ART1: variants seen among roughly 807,000 people sequenced by gnomAD.
ART1 encodes GPI-linked NAD(P)(+)--arginine ADP-ribosyltransferase 1.
In ART1, 29 loss-of-function variants were observed where a neutral mutation model predicts 27.0. The observed-to-expected ratio is 1.08, with a 90% CI of 0.80 to 1.47. The LOEUF (loss-of-function observed/expected upper bound fraction) is 1.47, where lower values mean the gene tolerates loss of function less well. Ranked by LOEUF, ART1 falls within the 40% of genes most tolerant of loss-of-function variation. ART1 has a pLI of 0.00. For missense variants in ART1, 480 were observed against 423.0 expected, an observed-to-expected ratio of 1.13 and a Z score of -1.18; for synonymous variants, 201 against 172.2, an observed-to-expected ratio of 1.17 and a Z score of -1.31.
chr11:3,663,142 A>ATCTCATC (rs773719879), intron 4 of ART1, among the ~76,000 whole-genome samples: 2 of 140,460 alleles, frequency 1.4e-5, no homozygotes, highest in African/African-American at 5.3e-5. Context: ...ATCTCATCTC[A>ATCTCATC]TCATCATCTC....
chr11:3,651,844 T>A (rs1257745744), intron 1 of ART1, among the ~76,000 whole-genome samples: 2 of 150,904 alleles, frequency 1.3e-5, no homozygotes, highest in Admixed American at 6.6e-5. Context: ...ATGTCTCTGA[T>A]CCACCTGACA....
At chr11:3,651,298 GC>G (rs1342146259) in intron 1 of ART1, among the ~76,000 whole-genome samples, 2 of 150,560 alleles carry the variant, frequency 1.3e-5, no homozygotes, top group Non-Finnish European at 2.9e-5. Flanking sequence ...GGGCTGTACT[GC>G]CGCAAGGCTT....
At position 3,661,534 on chromosome 11, in the gene ART1, G is replaced by A. The variant is rs867481521; in HGVS notation, c.886+121G>A. On this transcript the variant is annotated intron_variant, in intron 4 of 4. Transcript: ENST00000250693. ...TTTGAGACAGAGTTTCACTCTTGTT[G>A]CCCAGGCTGGAGTGCAATGGCACAA... is the stretch of plus-strand genomic sequence containing the variant. The A allele has an allele frequency of 5.6e-6, 4 of 719,330 alleles. No individual in the cohort carries two copies. In the Middle Eastern group the frequency reaches 1.3e-3, roughly 239 times the overall value. The allele number at this position is 719,330 out of a possible 1,614,324, so 44.6% of individuals were successfully genotyped here.
intron 4 of ART1, 48 bp from the exon 5 acceptor site, chr11:3,664,041 CTCT>C (rs1564787336): frequency 1.9e-6 from 3 of 1,586,132 alleles, no homozygotes; most frequent in Non-Finnish European, 2.6e-6. Context: ...TCCTAAATAC[CTCT>C]TTTTTTCTCT....
chr11:3,650,462 C>G (rs2077511648), intron 1 of ART1, among the ~76,000 whole-genome samples: 1 of 152,174 alleles, frequency 6.6e-6, no homozygotes, highest in Non-Finnish European at 1.5e-5. Flanking sequence ...GGACTCCGAG[C>G]TTTGAGTAAC....
intron 1 of ART1, among the ~76,000 whole-genome samples, chr11:3,650,844 C>T (rs1160710538): frequency 7.8e-6 from 1 of 128,648 alleles, no homozygotes; most frequent in Non-Finnish European, 1.8e-5. Flanking sequence ...GTATAAGGCA[C>T]CTCTACTTCC....
chr11:3,661,452 T>A, intron 4 of ART1, 39 bp downstream of exon 4: 2 of 1,545,092 alleles, frequency 1.3e-6, no homozygotes, highest in Non-Finnish European at 8.8e-7. Flanking sequence ...AGTTCAGGGA[T>A]GAGCAGGCTG....
In ART1 at chr11:3,660,370, G is replaced by C; in HGVS notation, c.844+7G>C. The C allele has an allele frequency of 6.3e-7, 1 of 1,593,678 alleles. No individual in the cohort carries two copies. On this transcript the variant is annotated splice_region_variant and intron_variant, in intron 3 of 4. Transcript: ENST00000250693. ...AACTGCGAGTACATCAAAGGTAGGA[G>C]GGCAAGCGCTGGTCGGCACCTGTGC...
rs150814173 is a variant in ART1 at position 3,653,084 on chromosome 11, C to G, written c.-52-6078C>G. On this transcript the variant is annotated intron_variant, in intron 1 of 4. Coordinates refer to ENST00000250693, the MANE Select transcript of ART1 (RefSeq NM_004314.3). ...TTCGTTCAGCTTAATCTCTCCCACT[C>G]GAGGTTCCCACGCTGCCCCTAATCA... is the stretch of plus-strand genomic sequence containing the variant. Among the ~76,000 whole-genome samples the G allele has an allele frequency of 1.0e-4, 15 of 148,078 alleles. 1 individual carries two copies. Among genetic ancestry groups the G allele is most frequent in the Admixed American group, 8.6e-4 (13 of 15,070 alleles).
chr11:3,652,690 G>C (rs2077534355), intron 1 of ART1, among the ~76,000 whole-genome samples: 1 of 151,778 alleles, frequency 6.6e-6, no homozygotes, highest in Non-Finnish European at 1.5e-5. Context: ...CTTCTGTCTA[G>C]TCATACTCCT....
intron 1 of ART1, among the ~76,000 whole-genome samples, chr11:3,653,188 A>G (rs541751544): frequency 3.8e-4 from 57 of 148,376 alleles, no homozygotes; most frequent in Non-Finnish European, 7.2e-4. Context: ...CTTTACCACT[A>G]TTTCATTTTA....
chr11:3,654,920 A>G (rs959496257), intron 1 of ART1, among the ~76,000 whole-genome samples: 2 of 152,240 alleles, frequency 1.3e-5, no homozygotes, highest in Non-Finnish European at 1.5e-5. Flanking sequence ...GAGCAGATGC[A>G]GACAGAAACA....
chr11:3,655,143 C>T (rs2077561558), intron 1 of ART1, among the ~76,000 whole-genome samples: 1 of 152,206 alleles, frequency 6.6e-6, no homozygotes. Context: ...CTTCCTTGCT[C>T]TGGGCTGGGC....
intron 1 of ART1, among the ~76,000 whole-genome samples, chr11:3,647,229 G>A (rs764347877): frequency 1.2e-4 from 19 of 152,008 alleles, no homozygotes; most frequent in Non-Finnish European, 2.1e-4. Context: ...AGGCTGAGGC[G>A]GAGAATTGCT....
At chr11:3,647,083 G>C (rs761509580) in intron 1 of ART1, among the ~76,000 whole-genome samples, 1 of 152,142 alleles carries the variant, frequency 6.6e-6, no homozygotes, top group East Asian at 1.9e-4. Flanking sequence ...CACTTTAGGA[G>C]GCCGAGGCGG....
intron 1 of ART1, among the ~76,000 whole-genome samples, chr11:3,652,880 C>G (rs2077536076): frequency 6.7e-6 from 1 of 150,262 alleles, no homozygotes; most frequent in Non-Finnish European, 1.5e-5. Flanking sequence ...CTTAGGCACT[C>G]TCTAATCAGA....
In ART1 at chr11:3,663,033, A is replaced by ATC. The variant is rs756357966; in HGVS notation, c.887-1058_887-1057dup. Among the ~76,000 whole-genome samples, 77 of 82,390 alleles carry ATC rather than the reference A, an allele frequency of 9.3e-4. 1 individual carries two copies. Among genetic ancestry groups the ATC allele is most frequent in the African/African-American group, 3.5e-3 (74 of 20,848 alleles). 54.1% of individuals were successfully genotyped at this position (82,390 alleles called of 152,430 possible). On this transcript the variant is annotated intron_variant, in intron 4 of 4. Coordinates refer to ENST00000250693, the MANE Select transcript of ART1 (RefSeq NM_004314.3). ...TCATCTCATCATCTCATCTCATCTC[A>ATC]TCATCTCATCTCATCTCATCTCATC...
chr11:3,663,993 C>A, intron 4 of ART1, 99 bp from the exon 5 acceptor site: 1 of 1,094,748 alleles, frequency 9.1e-7, no homozygotes, highest in Non-Finnish European at 1.3e-6. Flanking sequence ...CCAATCTCTC[C>A]ACCTTGTATC....
intron 1 of ART1, among the ~76,000 whole-genome samples, chr11:3,648,213 CTT>C (rs1671134583): frequency 6.6e-6 from 1 of 152,200 alleles, no homozygotes; most frequent in South Asian, 2.1e-4. Context: ...CGCTGACTCT[CTT>C]TTCGGACTCA....
Sources: gnomAD v4.1 joint callset for allele counts (sites outside exome capture counted in the v4.1 genomes callset) on GRCh38, gnomAD v4.1.1 for gene constraint, MANE v1.5 for transcripts, NCBI Gene and HGNC (gene_info 2026-07-23, HGNC 2026-07-21) for gene names.